The following SLC2A9 variants were observed in gnomAD, a reference collection of about 807,000 sequenced individuals.
SLC2A9 encodes solute carrier family 2, facilitated glucose transporter member 9.
In SLC2A9, 39 loss-of-function variants were observed where a neutral mutation model predicts 50.6. That is an observed-to-expected ratio of 0.77 (90% CI 0.60 to 1.01). The LOEUF is 1.01. Ranked by LOEUF, SLC2A9 falls within the 50% of genes least tolerant of loss-of-function variation. The pLI is 0.00. For synonymous variants in SLC2A9, 324 were observed against 276.9 expected, an observed-to-expected ratio of 1.17 and a Z score of -1.69; for missense variants, 686 against 677.6, an observed-to-expected ratio of 1.01 and a Z score of -0.14.
chr4:9,910,242 C>G (rs891631484), intron 7 of SLC2A9, among the ~76,000 whole-genome samples: 1 of 152,244 alleles, frequency 6.6e-6, no homozygotes, highest in African/African-American at 2.4e-5. Context: ...GAACGTTAGA[C>G]TCCATCGTTA....
chr4:10,023,699 CTACATGTGCACAGCTCATGT>C (rs1412205692), upstream of SLC2A9, among the ~76,000 whole-genome samples: 1 of 152,214 alleles, frequency 6.6e-6, no homozygotes, highest in Non-Finnish European at 1.5e-5. Context: ...TCAGCTCCTA[CTACATGTGCACAGCTCATGT>C]TACATGTGCA....
chr4:9,864,128 G>T (rs939135), intron 10 of SLC2A9, among the ~76,000 whole-genome samples: 1,944 of 152,128 alleles, frequency 0.013, 78 homozygotes, highest in African/African-American at 0.045. Flanking sequence ...GACTGGACTT[G>T]TCTGCCCCTT....
At chr4:9,782,494 C>T (rs778933591) in intron 3 of SLC2A9, 5 of 1,614,012 alleles carry the variant, frequency 3.1e-6, no homozygotes, top group Non-Finnish European at 4.2e-6. Context: ...TGACTCAGCG[C>T]ATGGCCTTGG....
chr4:9,897,104 G>A (rs1738696197), intron 8 of SLC2A9, among the ~76,000 whole-genome samples: 2 of 152,178 alleles, frequency 1.3e-5, no homozygotes, highest in African/African-American at 4.8e-5. Flanking sequence ...CCTGGCTAAG[G>A]TTGCACAGTG....
chr4:9,865,946 C>T (rs1732390847), intron 10 of SLC2A9, among the ~76,000 whole-genome samples: 1 of 152,200 alleles, frequency 6.6e-6, no homozygotes, highest in Non-Finnish European at 1.5e-5. Flanking sequence ...ATATGGCTCC[C>T]AGACGCAAGG....
chr4:10,039,624 G>A (rs1764215659), intron 1 of SLC2A9, among the ~76,000 whole-genome samples: 1 of 152,124 alleles, frequency 6.6e-6, no homozygotes, highest in Non-Finnish European at 1.5e-5. Context: ...TCTGAAGATG[G>A]TTCTAACTTG....
At chr4:9,919,988 A>G (rs1472026335) in intron 7 of SLC2A9, among the ~76,000 whole-genome samples, 1 of 152,094 alleles carries the variant, frequency 6.6e-6, no homozygotes, top group African/African-American at 2.4e-5. Flanking sequence ...TTTTCAAGCC[A>G]AAGTTGTGAG....
At chr4:10,031,003 G>C (rs1197371065) in intron 1 of SLC2A9, among the ~76,000 whole-genome samples, 1 of 152,212 alleles carries the variant, frequency 6.6e-6, no homozygotes, top group Non-Finnish European at 1.5e-5. Flanking sequence ...TTTCTATCAT[G>C]TCAGGAGCAG....
chr4:10,006,933 T>A (rs964400778), intron 2 of SLC2A9, among the ~76,000 whole-genome samples: 1 of 151,878 alleles, frequency 6.6e-6, no homozygotes, highest in African/African-American at 2.4e-5. Context: ...TGAGTTTCCT[T>A]GTTAGACAAA....
intron 3 of SLC2A9, among the ~76,000 whole-genome samples, chr4:9,820,033 T>C (rs1724190519): frequency 6.6e-6 from 1 of 152,252 alleles, no homozygotes; most frequent in Non-Finnish European, 1.5e-5. Context: ...ATGGATTGTG[T>C]TTTGGTGTTA....
intron 7 of SLC2A9, among the ~76,000 whole-genome samples, chr4:9,918,459 C>A (rs140600990): frequency 6.6e-6 from 1 of 152,130 alleles, no homozygotes; most frequent in Non-Finnish European, 1.5e-5. Context: ...CTAGGGATGG[C>A]CTGGGGACAC....
rs909282925 is a variant in SLC2A9, at chr4:9,923,599, G to C, written c.815-3027C>G. Among the ~76,000 whole-genome samples, 5 of 152,316 alleles carry C rather than the reference G, an allele frequency of 3.3e-5. 1 individual carries two copies. The Middle Eastern group carries it at 0.01, about 311-fold the overall frequency. Reference sequence around the variant, plus strand: ...CACGGCTCACGCTTGTGCCCAGAGAGAGAAAGAGTTAAGCTGCTGACCCTG... The same window carrying C: ...CACGGCTCACGCTTGTGCCCAGAGACAGAAAGAGTTAAGCTGCTGACCCTG... On this transcript the variant is annotated intron_variant, in intron 6 of 11. Transcript: ENST00000264784.
At chr4:9,806,272 T>C (rs895202422) in intron 3 of SLC2A9, among the ~76,000 whole-genome samples, 8 of 152,240 alleles carry the variant, frequency 5.3e-5, no homozygotes, top group African/African-American at 1.9e-4. Flanking sequence ...AAGGAACACT[T>C]GGTCCACGCA....
chr4:9,928,758 AC>A (rs1174522941), intron 6 of SLC2A9, among the ~76,000 whole-genome samples: 1 of 152,190 alleles, frequency 6.6e-6, no homozygotes, highest in Non-Finnish European at 1.5e-5. Context: ...AAACAAACAA[AC>A]AAAAAACTCT....
chr4:9,888,117 G>GC, intron 9 of SLC2A9, among the ~76,000 whole-genome samples: 1 of 151,298 alleles, frequency 6.6e-6, no homozygotes, highest in East Asian at 1.9e-4. Flanking sequence ...GGCCTGTTTT[G>GC]GGGGGTGGGG....
intron 10 of SLC2A9, chr4:9,880,473 C>A: frequency 2.0e-6 from 2 of 984,772 alleles, no homozygotes; most frequent in Non-Finnish European, 1.2e-6. Context: ...GTTCTACAGT[C>A]AAAAGAAAGC....
At position 9,783,070 on chromosome 4, in the gene SLC2A9, C is replaced by A. The variant is rs780675145; in HGVS notation, n.386-3005G>T. 7 of 1,614,234 alleles carry A rather than the reference C, an allele frequency of 4.3e-6. No individual in the cohort carries two copies. In the South Asian group the frequency reaches 7.7e-5, roughly 18 times the overall value. ...CCACCTTCGACGTCTTCGTCTGGTT[C>A]GGCTGGGCTAACTCCTCACTCAACC... On this transcript the variant is annotated intron_variant and non_coding_transcript_variant, in intron 3 of 3. Coordinates refer to the SLC2A9 transcript ENST00000503803.
At chr4:9,811,422 C>T (rs192650224) in intron 3 of SLC2A9, among the ~76,000 whole-genome samples, 49 of 152,326 alleles carry the variant, frequency 3.2e-4, no homozygotes, top group Admixed American at 2.4e-3. Flanking sequence ...TTCCTGCTCT[C>T]CTTTCTAACA....
intron 10 of SLC2A9, among the ~76,000 whole-genome samples, chr4:9,885,400 C>T (rs1465213404): frequency 6.6e-6 from 1 of 152,080 alleles, no homozygotes; most frequent in African/African-American, 2.4e-5. Context: ...TGGCTAGTGC[C>T]ACCTTCATAT....
Sources: allele counts gnomAD v4.1 joint callset (sites outside exome capture counted in the v4.1 genomes callset), GRCh38; gene constraint gnomAD v4.1.1; transcripts MANE v1.5; gene names NCBI Gene and HGNC (gene_info 2026-07-23, HGNC 2026-07-21).